The following STK33 variants were observed in gnomAD, a reference collection of about 807,000 sequenced individuals.
STK33 encodes serine/threonine-protein kinase 33.
In STK33, 52 loss-of-function variants were observed where a neutral mutation model predicts 58.0. The ratio of observed to expected loss-of-function variants is 0.90; its 90% CI spans 0.72 to 1.13. The LOEUF is 1.13. Ranked by LOEUF, STK33 falls within the 50% of genes most tolerant of loss-of-function variation. The pLI, the probability that STK33 is intolerant of heterozygous loss-of-function variation, is 0.00. For missense variants in STK33, 630 were observed against 604.2 expected (o/e 1.04, Z -0.45); for synonymous variants, 215 against 200.1 (o/e 1.07, Z -0.63).
At chr11:8,482,631 G>C (rs572041190) in intron 1 of STK33, among the ~76,000 whole-genome samples, 1 of 152,110 alleles carries the variant, frequency 6.6e-6, no homozygotes, top group African/African-American at 2.4e-5. Context: ...AGATACCAGG[G>C]TTTGAATTCT....
chr11:8,508,266 CTTTTT>C (rs34759366), intron 1 of STK33, among the ~76,000 whole-genome samples: 5 of 114,260 alleles, frequency 4.4e-5, no homozygotes, highest in African/African-American at 1.4e-4. Context: ...ACCTTCTATT[CTTTTT>C]TTTTTTTTTT....
intron 7 of STK33, among the ~76,000 whole-genome samples, chr11:8,462,685 T>G (rs1391074709): frequency 6.6e-6 from 1 of 151,874 alleles, no homozygotes. Flanking sequence ...CATTTAACAC[T>G]CACCATGCAG....
intron 10 of STK33, among the ~76,000 whole-genome samples, 159 bp from the exon 11 acceptor site, chr11:8,453,065 C>T (rs1335081370): frequency 6.6e-6 from 1 of 152,078 alleles, no homozygotes; most frequent in Non-Finnish European, 1.5e-5. Context: ...ATTTCCTTCC[C>T]CACCCACCTC....
intron 12 of STK33, among the ~76,000 whole-genome samples, chr11:8,439,406 G>C (rs561771087): frequency 2.6e-4 from 39 of 152,164 alleles, no homozygotes; most frequent in African/African-American, 8.9e-4. Context: ...AAACCTTCCT[G>C]GTTAAATGTT....
At chr11:8,405,781 G>A (rs573760899) in intron 15 of STK33, among the ~76,000 whole-genome samples, 50 of 152,102 alleles carry the variant, frequency 3.3e-4, no homozygotes, top group African/African-American at 1.2e-3. Context: ...ATCTACTATT[G>A]TTCTAGCATT....
chr11:8,372,217 C>T, the STK33 span, among the ~76,000 whole-genome samples: 1 of 152,178 alleles, frequency 6.6e-6, no homozygotes, highest in Non-Finnish European at 1.5e-5. Flanking sequence ...AGCAGACTGC[C>T]CTATAAGCCA....
intron 15 of STK33, among the ~76,000 whole-genome samples, chr11:8,402,509 A>C (rs986670511): frequency 6.6e-6 from 1 of 152,182 alleles, no homozygotes; most frequent in African/African-American, 2.4e-5. Context: ...AGATACACCT[A>C]ATGTTAAATG....
At chr11:8,444,641 T>G (rs1409643365) in intron 11 of STK33, among the ~76,000 whole-genome samples, 2 of 152,008 alleles carry the variant, frequency 1.3e-5, no homozygotes, top group Admixed American at 1.3e-4. Flanking sequence ...ATGAAAATAA[T>G]AAGTAAACAT....
chr11:8,416,155 A>C (rs1941088018), intron 14 of STK33, among the ~76,000 whole-genome samples: 2 of 152,194 alleles, frequency 1.3e-5, no homozygotes, highest in African/African-American at 4.8e-5. Context: ...CAAAGAAAAT[A>C]AAAGTGATAA....
At chr11:8,555,735 TGA>T (rs1956700995) in intron 1 of STK33, among the ~76,000 whole-genome samples, 1 of 151,338 alleles carries the variant, frequency 6.6e-6, no homozygotes, top group African/African-American at 2.4e-5. Context: ...CAAAAAAAAG[TGA>T]GGTGATGAAT....
At chr11:8,421,630 G>T (rs767584368) in intron 14 of STK33, among the ~76,000 whole-genome samples, 2 of 152,018 alleles carry the variant, frequency 1.3e-5, no homozygotes, top group South Asian at 4.1e-4. Flanking sequence ...GTGAAATTTT[G>T]ATTGTATTTG....
At chr11:8,512,986 G>GA (rs1952462929) in intron 1 of STK33, among the ~76,000 whole-genome samples, 2 of 152,098 alleles carry the variant, frequency 1.3e-5, no homozygotes, top group African/African-American at 2.4e-5. Flanking sequence ...CCCAAATAGA[G>GA]AAAAAATTAA....
At chr11:8,397,492 T>C (rs886828212) in intron 15 of STK33, among the ~76,000 whole-genome samples, 3 of 152,032 alleles carry the variant, frequency 2.0e-5, no homozygotes, top group African/African-American at 7.3e-5. Flanking sequence ...CAAAGGTAGA[T>C]AAAACCACAA....
downstream of STK33, among the ~76,000 whole-genome samples, chr11:8,391,513 G>A (rs1406030840): frequency 6.6e-6 from 1 of 152,236 alleles, no homozygotes; most frequent in East Asian, 1.9e-4. Flanking sequence ...TATATGCTCA[G>A]CTGGCCAGAT....
chr11:8,389,280 G>A (rs1050303411), downstream of STK33, among the ~76,000 whole-genome samples: 1 of 152,240 alleles, frequency 6.6e-6, no homozygotes. Flanking sequence ...CAGCAGCCTG[G>A]CCCAGAGCAG....
intron 9 of STK33, among the ~76,000 whole-genome samples, chr11:8,455,664 A>C (rs1404969075): frequency 1.3e-5 from 2 of 150,114 alleles, no homozygotes; most frequent in African/African-American, 4.9e-5. Flanking sequence ...AAAAAAAATC[A>C]GCCAGGCATG....
chr11:8,351,692 C>T, the STK33 span, among the ~76,000 whole-genome samples: 1 of 152,376 alleles, frequency 6.6e-6, no homozygotes, highest in Non-Finnish European at 1.5e-5. Context: ...GTGGGAGCGT[C>T]GTCCGGAGGT....
chr11:8,400,076 T>C (rs1413163682), intron 15 of STK33, among the ~76,000 whole-genome samples: 8 of 152,280 alleles, frequency 5.3e-5, no homozygotes, highest in African/African-American at 1.7e-4. Flanking sequence ...CTGAAACTAT[T>C]CCAATCAATA....
chr11:8,435,723 A>G (rs1444928121), intron 13 of STK33, 144 bp from the exon 14 acceptor site: 3 of 467,880 alleles, frequency 6.4e-6, no homozygotes, highest in Non-Finnish European at 3.6e-6. Flanking sequence ...AATGCCTAAT[A>G]AATATAGTTT....
Sources: allele counts gnomAD v4.1 joint callset (sites outside exome capture counted in the v4.1 genomes callset), GRCh38; gene constraint gnomAD v4.1.1; transcripts MANE v1.5; gene names NCBI Gene and HGNC (gene_info 2026-07-23, HGNC 2026-07-21).